CNTNAP3B: variants seen among roughly 807,000 people sequenced by gnomAD.
CNTNAP3B encodes contactin associated protein family member 3B.
Under a neutral mutation model 108.9 loss-of-function variants are expected in CNTNAP3B, and 25 were observed. The ratio of observed to expected loss-of-function variants is 0.23; its 90% confidence interval spans 0.17 to 0.32. The LOEUF is 0.32. CNTNAP3B is among the 10% of genes least tolerant of loss of function. CNTNAP3B has a pLI of 1.00. For missense variants in CNTNAP3B, 252 were observed against 1,210.4 expected (o/e 0.21, Z 11.75); for synonymous variants, 103 against 473.4 (o/e 0.22, Z 10.16).
At chr9:41,947,232 T>C (rs1824554156) in intron 13 of CNTNAP3B, among the ~76,000 whole-genome samples, 1 of 151,244 alleles carries the variant, frequency 6.6e-6, no homozygotes, top group South Asian at 2.1e-4. Flanking sequence ...CAAATGCCCA[T>C]GAAAAATTTA....
In CNTNAP3B at chr9:42,084,340, T is replaced by C. The variant is rs920006881; in HGVS notation, c.197-7278A>G. 2.5e-5 allele frequency among the ~76,000 whole-genome samples: 3 copies of C among 119,076 alleles called. 1 individual carries two copies. Among genetic ancestry groups the C allele is most frequent in the African/African-American group, 1.0e-4 (3 of 29,670 alleles). The allele number at this position is 119,076 out of a possible 152,430, so 78.1% of individuals were successfully genotyped here. A position where few individuals can be genotyped will look rare whatever the true frequency, so the allele number is the denominator to read the frequency against. ...ATGGGTGATGTGCAAATGGGGCATATGCGGAGAGGGCTGGAATGGAGTCAG... is the reference window on the plus strand; with the variant it reads ...ATGGGTGATGTGCAAATGGGGCATACGCGGAGAGGGCTGGAATGGAGTCAG... On this transcript the variant is annotated intron_variant, in intron 2 of 23. Coordinates refer to ENST00000377561, the MANE Select transcript of CNTNAP3B (RefSeq NM_001201380.3).
At position 42,110,082 on chromosome 9, in the gene CNTNAP3B, A is replaced by G. The variant is rs1828163726; in HGVS notation, c.86-5343T>C. ...CGGAACTTCTGGTCTCCAGACTATG[A>G]CAGAATAAATTCTTTTGCTTTAAGT... is the stretch of plus-strand genomic sequence containing the variant. On this transcript the variant is annotated intron_variant, in intron 1 of 23. Coordinates refer to ENST00000377561, the MANE Select transcript of CNTNAP3B (RefSeq NM_001201380.3). Among the ~76,000 whole-genome samples, 2 of 135,982 alleles carry G rather than the reference A, an allele frequency of 1.5e-5. 1 individual carries two copies. The highest frequency in any genetic ancestry group is 4.8e-4 in the South Asian group (2 of 4,172). 89.2% of individuals were successfully genotyped at this position (135,982 alleles called of 152,430 possible).
intron 2 of CNTNAP3B, among the ~76,000 whole-genome samples, chr9:42,077,396 A>G (rs1827515021): frequency 7.3e-6 from 1 of 136,480 alleles, no homozygotes; most frequent in African/African-American, 2.9e-5. Flanking sequence ...AACATAAGAG[A>G]CTAAATTCCA....
chr9:41,945,185 A>G (rs1424743917), intron 13 of CNTNAP3B, among the ~76,000 whole-genome samples: 1 of 152,176 alleles, frequency 6.6e-6, no homozygotes, highest in Non-Finnish European at 1.5e-5. Flanking sequence ...AAACTAGTTC[A>G]ACCATTGTGG....
chr9:41,937,100 T>TTA (rs1824180742), intron 14 of CNTNAP3B, among the ~76,000 whole-genome samples: 1 of 127,468 alleles, frequency 7.8e-6, no homozygotes, highest in Non-Finnish European at 1.6e-5. Flanking sequence ...ACCATTACAT[T>TTA]TTTTATTTAT....
intron 3 of CNTNAP3B, among the ~76,000 whole-genome samples, chr9:42,035,410 A>C (rs1193534605): frequency 6.8e-6 from 1 of 146,148 alleles, no homozygotes; most frequent in African/African-American, 2.6e-5. Flanking sequence ...ATTCTCACCC[A>C]GATCTGCCTA....
intron 18 of CNTNAP3B, among the ~76,000 whole-genome samples, chr9:41,915,642 C>T (rs1486590685): frequency 1.4e-5 from 2 of 142,288 alleles, no homozygotes; most frequent in Admixed American, 6.9e-5. Flanking sequence ...GAGAAAGTTC[C>T]CTTCTATTCC....
At chr9:41,927,387 A>G (rs1823849585) in intron 15 of CNTNAP3B, among the ~76,000 whole-genome samples, 1 of 128,412 alleles carries the variant, frequency 7.8e-6, no homozygotes, top group African/African-American at 2.9e-5. Context: ...ACATACTGAG[A>G]AAGAAAAAAA....
At chr9:42,010,661 A>G in intron 4 of CNTNAP3B, among the ~76,000 whole-genome samples, 1 of 92,708 alleles carries the variant, frequency 1.1e-5, no homozygotes, top group South Asian at 4.3e-4. Context: ...TTTTCCAGGA[A>G]TCATCCTGAT....
intron 13 of CNTNAP3B, among the ~76,000 whole-genome samples, chr9:41,938,753 A>G (rs925310877): frequency 6.6e-6 from 1 of 152,292 alleles, no homozygotes; most frequent in African/African-American, 2.4e-5. Context: ...ATCTATTTGA[A>G]ATTATGAAAT....
intron 13 of CNTNAP3B, among the ~76,000 whole-genome samples, chr9:41,941,491 C>T (rs1280299571): frequency 3.3e-5 from 5 of 151,060 alleles, no homozygotes; most frequent in East Asian, 1.9e-4. Flanking sequence ...GACATAAATG[C>T]ATATGCAAGA....
At chr9:42,066,423 C>CTTTTTT (rs1158361481) in intron 3 of CNTNAP3B, among the ~76,000 whole-genome samples, 2 of 53,140 alleles carry the variant, frequency 3.8e-5, no homozygotes, top group Non-Finnish European at 7.0e-5. Flanking sequence ...GCTGTTGAAT[C>CTTTTTT]TTTTTTTTTT....
At position 42,126,701 on chromosome 9, in the gene CNTNAP3B, C is replaced by T. The variant is rs1479611365; in HGVS notation, c.85+2309G>A. On this transcript the variant is annotated intron_variant, in intron 1 of 23. Coordinates refer to ENST00000377561, the MANE Select transcript of CNTNAP3B (RefSeq NM_001201380.3). ...TCTCCTGCCTCAGCCTCCCGAGTAGCTGGAATTACAGATGCCTGCCACCAC... is the reference window on the plus strand; with the variant it reads ...TCTCCTGCCTCAGCCTCCCGAGTAGTTGGAATTACAGATGCCTGCCACCAC... Among the ~76,000 whole-genome samples, 11 of 135,956 alleles carry T rather than the reference C, an allele frequency of 8.1e-5. 3 individuals are homozygous for T. The highest frequency in any genetic ancestry group is 3.3e-4 in the African/African-American group (11 of 33,734). 89.2% of individuals were successfully genotyped at this position (135,956 alleles called of 152,430 possible).
At chr9:41,948,487 T>G (rs1371734451) in intron 13 of CNTNAP3B, among the ~76,000 whole-genome samples, 1 of 148,064 alleles carries the variant, frequency 6.8e-6, no homozygotes, top group Non-Finnish European at 1.5e-5. Context: ...CAAATTCATT[T>G]TATGTAGGCA....
intron 12 of CNTNAP3B, among the ~76,000 whole-genome samples, chr9:41,958,917 G>T (rs1265090525): frequency 8.6e-5 from 12 of 139,822 alleles, no homozygotes; most frequent in Admixed American, 1.4e-4. Context: ...ACTCACAGAA[G>T]TGTGGGGATC....
Position 42,115,258 on chromosome 9 carries a change from G to A in CNTNAP3B, c.86-10519C>T, listed in dbSNP as rs1288906018. ...TAAGGCTAAGAAAATAGACAGGTCC[G>A]GATCCAAGATGGTCGAATAGGAACA... On this transcript the variant is annotated intron_variant, in intron 1 of 23. Coordinates refer to ENST00000377561, the MANE Select transcript of CNTNAP3B (RefSeq NM_001201380.3). Among the ~76,000 whole-genome samples, 22 of 135,384 alleles carry A rather than the reference G, an allele frequency of 1.6e-4. 5 individuals are homozygous for A. The highest frequency in any genetic ancestry group is 5.0e-4 in the African/African-American group (17 of 33,702). The allele number at this position is 135,384 out of a possible 152,430, so 88.8% of individuals were successfully genotyped here.
At chr9:42,002,885 T>C (rs1482121269) in intron 4 of CNTNAP3B, among the ~76,000 whole-genome samples, 1 of 132,722 alleles carries the variant, frequency 7.5e-6, no homozygotes, top group Non-Finnish European at 1.6e-5. Context: ...ATATTTTATC[T>C]TCACATTTTA....
intron 14 of CNTNAP3B, among the ~76,000 whole-genome samples, chr9:41,932,079 C>A (rs1823994296): frequency 6.6e-6 from 1 of 151,604 alleles, no homozygotes; most frequent in African/African-American, 2.4e-5. Context: ...TTGTTACAGG[C>A]AGATTCCCAA....
intron 13 of CNTNAP3B, among the ~76,000 whole-genome samples, chr9:41,951,982 C>A (rs1490324866): frequency 2.0e-5 from 3 of 152,234 alleles, no homozygotes; most frequent in African/African-American, 7.2e-5. Context: ...GAGGCTGAGG[C>A]AGGAGAATCG....
Sources: allele counts gnomAD v4.1 joint callset (sites outside exome capture counted in the v4.1 genomes callset), GRCh38; gene constraint gnomAD v4.1.1; transcripts MANE v1.5; gene names NCBI Gene and HGNC (gene_info 2026-07-23, HGNC 2026-07-21).